Variants in CYFIP1 observed in about 807,000 individuals in gnomAD.
CYFIP1 encodes the protein cytoplasmic FMR1-interacting protein 1.
A neutral mutation model predicts 163.5 loss-of-function variants in CYFIP1; 58 were observed. That is an observed-to-expected ratio of 0.35 (90% CI 0.29 to 0.44). The LOEUF is 0.44. Among genes scored for constraint, CYFIP1 ranks in the 20% least tolerant of loss-of-function variants. The pLI, the probability that CYFIP1 is intolerant of heterozygous loss-of-function variation, is 1.00. For missense variants in CYFIP1, 1,338 were observed against 1,653.8 expected (o/e 0.81, Z 3.31); for synonymous variants, 663 against 660.7 (o/e 1.00, Z -0.05).
rs540207237 is a variant in CYFIP1 at position 22,966,951 on chromosome 15, A to G, written c.-7+13336T>C. ...TTGATGAACACACAGACGGTGGCGC[A>G]TGTTCAGAGATGCCGAGGGGACGCC... On this transcript the variant is annotated intron_variant, in intron 1 of 30. Transcript: ENST00000617928. Among the ~76,000 whole-genome samples the G allele has an allele frequency of 3.4e-4, 51 of 152,040 alleles. 2 individuals carry two copies. In the South Asian group the frequency reaches 9.4e-3, roughly 28 times the overall value.
In CYFIP1 at chr15:22,908,532, T is replaced by C. The variant is rs1465952986; in HGVS notation, c.2388+662A>G. Among the ~76,000 whole-genome samples the C allele has an allele frequency of 3.2e-4, 42 of 132,692 alleles. No homozygotes were observed. In the East Asian group the frequency reaches 7.2e-3, roughly 23 times the overall value. The allele number at this position is 132,692 out of a possible 152,430, so 87.1% of individuals were successfully genotyped here. A position where few individuals can be genotyped will look rare whatever the true frequency, so the allele number is the denominator to read the frequency against. Reference sequence around the variant, plus strand: ...AGAAGATATTTCTTTTTTTTTTTTTTTTTTTTTTTTTTTTTGAGACAGAGT... The same window carrying C: ...AGAAGATATTTCTTTTTTTTTTTTTCTTTTTTTTTTTTTTTGAGACAGAGT... On this transcript the variant is annotated intron_variant, in intron 21 of 30. Transcript: ENST00000617928.
intron 30 of CYFIP1, 98 bp downstream of exon 30, chr15:22,872,727 T>G: frequency 7.7e-7 from 1 of 1,294,770 alleles, no homozygotes; most frequent in South Asian, 1.4e-5. Context: ...CCTTACGTAC[T>G]AGGATGAAAA....
intron 1 of CYFIP1, among the ~76,000 whole-genome samples, chr15:22,948,417 C>T (rs935382151): frequency 6.6e-6 from 1 of 152,242 alleles, no homozygotes; most frequent in African/African-American, 2.4e-5. Flanking sequence ...GAGCTGCCAC[C>T]CACTGAAGGC....
chr15:22,943,612 C>T (rs1051297076), intron 5 of CYFIP1, among the ~76,000 whole-genome samples: 2 of 152,148 alleles, frequency 1.3e-5, no homozygotes, highest in African/African-American at 4.8e-5. Context: ...CTGATTATTC[C>T]AGCAAAATTA....
At chr15:22,958,795 C>T (rs894780071) in intron 1 of CYFIP1, among the ~76,000 whole-genome samples, 1 of 152,190 alleles carries the variant, frequency 6.6e-6, no homozygotes, top group Non-Finnish European at 1.5e-5. Context: ...TCAAACCATG[C>T]GCCATGAAAC....
intron 23 of CYFIP1, 145 bp from the exon 24 acceptor site, chr15:22,883,156 G>A: frequency 1.2e-6 from 1 of 859,694 alleles, no homozygotes; most frequent in Non-Finnish European, 1.7e-6. Flanking sequence ...CCCTTAACTG[G>A]TACAGTTACA....
chr15:22,957,940 C>T (rs542928418), intron 1 of CYFIP1, among the ~76,000 whole-genome samples: 9 of 152,250 alleles, frequency 5.9e-5, no homozygotes, highest in East Asian at 3.9e-4. Context: ...AGCAGGGGAC[C>T]GCGCCAGCAT....
At chr15:22,876,778 TC>T (rs1392793181) in intron 26 of CYFIP1, among the ~76,000 whole-genome samples, 1 of 151,174 alleles carries the variant, frequency 6.6e-6, no homozygotes, top group Non-Finnish European at 1.5e-5. Flanking sequence ...TTGTGGTGAG[TC>T]AAGATTGTGC....
chr15:22,953,050 G>A (rs1228428191), intron 1 of CYFIP1, among the ~76,000 whole-genome samples: 7 of 152,240 alleles, frequency 4.6e-5, no homozygotes, highest in Admixed American at 2.6e-4. Context: ...GCACGCACAC[G>A]GCCTGGGCCC....
intron 8 of CYFIP1, among the ~76,000 whole-genome samples, chr15:22,938,715 C>A (rs995687676): frequency 2.0e-5 from 3 of 151,880 alleles, no homozygotes; most frequent in Admixed American, 1.3e-4. Flanking sequence ...ACAGCCTGTA[C>A]AACATGGCAA....
At chr15:22,929,631 CAAAAAAAAAAAAA>C (rs35408380) in intron 11 of CYFIP1, among the ~76,000 whole-genome samples, 1 of 42,254 alleles carries the variant, frequency 2.4e-5, no homozygotes, top group Non-Finnish European at 3.8e-5. Context: ...GACTCTGTCT[CAAAAAAAAAAAAA>C]AAAAAAAAAG....
chr15:22,964,561 C>T (rs529730643), intron 1 of CYFIP1, among the ~76,000 whole-genome samples: 6 of 152,188 alleles, frequency 3.9e-5, no homozygotes, highest in East Asian at 1.9e-4. Context: ...CCCGGGGAGT[C>T]GGGAACCAAG....
At chr15:22,874,439 C>T (rs1478151769) in intron 28 of CYFIP1, 111 bp downstream of exon 28, 2 of 712,276 alleles carry the variant, frequency 2.8e-6, no homozygotes, top group East Asian at 5.9e-5. Context: ...CCTGAGCAGC[C>T]ACGCAGCCGC....
chr15:22,961,685 T>C (rs974313319), intron 1 of CYFIP1, among the ~76,000 whole-genome samples: 1 of 152,130 alleles, frequency 6.6e-6, no homozygotes, highest in African/African-American at 2.4e-5. Context: ...CCTGCCTGTT[T>C]TTCTTCATTT....
At position 22,917,498 on chromosome 15, in the gene CYFIP1, T is replaced by G; in HGVS notation, c.1674+290A>C. The G allele has an allele frequency of 1.9e-6, 1 of 538,356 alleles. No individual in the cohort carries two copies. The allele number at this position is 538,356 out of a possible 1,614,324, so 33.3% of individuals were successfully genotyped here. A position where few individuals can be genotyped will look rare whatever the true frequency, so the allele number is the denominator to read the frequency against. ...CAAACACCCATCAAGAAACACAGAA[T>G]GAATACAGACACGTGGACTTGTGCC... is the stretch of plus-strand genomic sequence containing the variant. On this transcript the variant is annotated intron_variant, in intron 15 of 30. Coordinates refer to ENST00000617928, the MANE Select transcript of CYFIP1 (RefSeq NM_014608.6). The surrounding 1 kb of genome is among the most constrained non-coding windows in gnomAD (Gnocchi z 4.2).
chr15:22,950,232 C>A (rs1241835613), intron 1 of CYFIP1, among the ~76,000 whole-genome samples: 2 of 152,114 alleles, frequency 1.3e-5, no homozygotes, highest in Admixed American at 1.3e-4. Context: ...CCTAACCCAA[C>A]CATATGCCAT....
chr15:22,910,193 C>T (rs1283937452), intron 20 of CYFIP1, among the ~76,000 whole-genome samples: 6 of 151,954 alleles, frequency 3.9e-5, no homozygotes, highest in South Asian at 2.1e-4. Context: ...GTCTTGCTCA[C>T]TCTGTCACCC....
In CYFIP1 at chr15:22,917,076, C is replaced by T; in HGVS notation, c.1675-446G>A. The T allele has an allele frequency of 1.3e-6, 2 of 1,484,704 alleles. No individual in the cohort carries two copies. Among genetic ancestry groups the T allele is most frequent in the Non-Finnish European group, 1.8e-6 (2 of 1,119,984 alleles). The allele number at this position is 1,484,704 out of a possible 1,614,324, so 92.0% of individuals were successfully genotyped here. ...GGAGAGGCAGGAGAGAGACGTTAGTCACTCGACACACACACCCCAGGCAGG... is the reference window on the plus strand; with the variant it reads ...GGAGAGGCAGGAGAGAGACGTTAGTTACTCGACACACACACCCCAGGCAGG... On this transcript the variant is annotated intron_variant, in intron 15 of 30. Transcript: ENST00000617928. This position sits in a 1 kb window ranked among gnomAD's most constrained non-coding sequence, Gnocchi z 4.2.
intron 13 of CYFIP1, among the ~76,000 whole-genome samples, chr15:22,923,902 C>T (rs1257881301): frequency 7.5e-6 from 1 of 133,940 alleles, no homozygotes; most frequent in African/African-American, 3.0e-5. Context: ...ATAATCCTGC[C>T]ACTGCACTCC....
Sources: gnomAD v4.1 joint callset for allele counts (sites outside exome capture counted in the v4.1 genomes callset) on GRCh38, gnomAD v4.1.1 for gene constraint, Gnocchi (gnomAD v3.1) non-coding constraint, MANE v1.5 for transcripts, NCBI Gene and HGNC (gene_info 2026-07-23, HGNC 2026-07-21) for gene names.